Variants in GPATCH2 observed in about 807,000 individuals in gnomAD.
GPATCH2 encodes G-patch domain containing 2, also known as G patch domain-containing protein 2.
In GPATCH2, 51 loss-of-function variants were observed where a neutral mutation model predicts 58.0. The ratio of observed to expected loss-of-function variants is 0.88; its 90% CI spans 0.70 to 1.11. GPATCH2 has a LOEUF of 1.11. Ranked by LOEUF, GPATCH2 falls within the 50% of genes most tolerant of loss-of-function variation. The pLI is 0.00. For synonymous variants in GPATCH2, 222 were observed against 218.5 expected (o/e 1.02, Z -0.14); for missense variants, 625 against 652.2 (o/e 0.96, Z 0.45).
At chr1:217,609,560 T>C in intron 5 of GPATCH2, 1 of 984,918 alleles carries the variant, frequency 1.0e-6, no homozygotes, top group South Asian at 4.7e-5. Flanking sequence ...ACAAGCAGAT[T>C]ACCCAAGTAG....
chr1:217,610,826 G>C (rs1347949795), intron 4 of GPATCH2, 63 bp downstream of exon 4: 1 of 1,130,912 alleles, frequency 8.8e-7, no homozygotes, highest in African/African-American at 1.5e-5. Context: ...TATCCTCCTT[G>C]AATGAATATT....
chr1:217,451,670 G>C (rs1659671865), intron 8 of GPATCH2, among the ~76,000 whole-genome samples: 1 of 152,124 alleles, frequency 6.6e-6, no homozygotes, highest in Admixed American at 6.5e-5. Flanking sequence ...CTTAGCAAAA[G>C]ACTGGAGCAA....
intron 2 of GPATCH2, among the ~76,000 whole-genome samples, chr1:217,617,680 C>T (rs1257752951): frequency 3.3e-5 from 5 of 152,136 alleles, no homozygotes. Context: ...ATTTAGCAAT[C>T]TTTGCACAGA....
chr1:217,616,356 T>C (rs1668885635), intron 2 of GPATCH2, among the ~76,000 whole-genome samples: 1 of 152,172 alleles, frequency 6.6e-6, no homozygotes, highest in African/African-American at 2.4e-5. Context: ...TGGATGGGCC[T>C]CCATCTAAAT....
chr1:217,495,332 T>G (rs1195454079), intron 7 of GPATCH2, among the ~76,000 whole-genome samples: 2 of 152,168 alleles, frequency 1.3e-5, no homozygotes, highest in African/African-American at 4.8e-5. Flanking sequence ...CAATCCTCTC[T>G]TTACTACCTG....
At chr1:217,582,944 G>GT (rs1467171458) in intron 5 of GPATCH2, among the ~76,000 whole-genome samples, 2 of 152,110 alleles carry the variant, frequency 1.3e-5, no homozygotes, top group African/African-American at 4.8e-5. Context: ...GTAAGAATCC[G>GT]TATTACAGCT....
chr1:217,556,423 C>T (rs891342376), intron 5 of GPATCH2, among the ~76,000 whole-genome samples: 1 of 152,274 alleles, frequency 6.6e-6, no homozygotes, highest in Non-Finnish European at 1.5e-5. Flanking sequence ...AACATTGTTC[C>T]ATTTTGCCAA....
At chr1:217,547,972 T>C (rs938193112) in intron 5 of GPATCH2, among the ~76,000 whole-genome samples, 3 of 152,156 alleles carry the variant, frequency 2.0e-5, no homozygotes, top group African/African-American at 7.2e-5. Flanking sequence ...TGCTCCTCCA[T>C]GGTAAAACGT....
chr1:217,491,750 G>T lies in GPATCH2; in HGVS notation c.1207C>A (p.His403Asn). ...GCTCGATTATCTCTCAGAAGCTGAT[G>T]CTACACAAAGTGTTAAGACAAAGTC... ...SPGARTEHDQ[H>N]QLLRDNRAER... The change falls in exon 8 of 10, where the codon CAT becomes AAT. Residue 403 changes from histidine (H) to asparagine (N), a missense_variant and splice_region_variant. His to Asn is a moderately conservative substitution (Grantham distance 68, BLOSUM62 1). Coordinates refer to ENST00000366935, the MANE Select transcript of GPATCH2 (RefSeq NM_018040.5). 7.5e-7 allele frequency: 1 copy of T among 1,330,376 alleles called. No homozygotes were observed. The highest frequency in any genetic ancestry group is 1.1e-6 in the Non-Finnish European group (1 of 942,068). 82.4% of individuals were successfully genotyped at this position (1,330,376 alleles called of 1,614,324 possible).
In GPATCH2 at chr1:217,620,549, T is replaced by C. The variant is rs1669135378; in HGVS notation, c.57-50A>G. 3.9e-6 allele frequency: 4 copies of C among 1,028,596 alleles called. No homozygotes were observed. The Admixed American group carries it at 9.0e-5, about 23-fold the overall frequency. The allele number at this position is 1,028,596 out of a possible 1,614,324, so 63.7% of individuals were successfully genotyped here. A position where few individuals can be genotyped will look rare whatever the true frequency, so the allele number is the denominator to read the frequency against. Reference sequence around the variant, plus strand: ...AGAAAATAGTCAGTCTTAACCACAGTAACCTCATTTTCTATAACAGACAAT... The same window carrying C: ...AGAAAATAGTCAGTCTTAACCACAGCAACCTCATTTTCTATAACAGACAAT... On this transcript the variant is annotated intron_variant, in intron 1 of 9. Coordinates refer to ENST00000366935, the MANE Select transcript of GPATCH2 (RefSeq NM_018040.5).
At chr1:217,539,552 C>A (rs1664632380) in intron 5 of GPATCH2, among the ~76,000 whole-genome samples, 1 of 152,178 alleles carries the variant, frequency 6.6e-6, no homozygotes, top group African/African-American at 2.4e-5. Flanking sequence ...GCTGCACAAT[C>A]CCCTCAGTAG....
chr1:217,563,960 C>G (rs2102698335), intron 5 of GPATCH2, among the ~76,000 whole-genome samples: 1 of 141,500 alleles, frequency 7.1e-6, no homozygotes, highest in South Asian at 2.3e-4. Flanking sequence ...AGGACAATCA[C>G]TTGAACCCGG....
Position 217,619,897 on chromosome 1 carries a change from C to T in GPATCH2, c.659G>A (p.Gly220Glu), listed in dbSNP as rs17855847. The change falls in exon 2 of 10, where the codon GGA (glycine) becomes GAA (glutamate). Residue 220 changes from glycine to glutamate, a missense_variant. Coordinates refer to ENST00000366935, the MANE Select transcript of GPATCH2 (RefSeq NM_018040.5). ...TACTCCTTCATCTTGGATTTTTGGT[C>T]CTTGTCTGATTATTTTCAACTTTCT... ...KKRKLKIIRQ[G>E]PKIQDEGVVL... 7 of 1,613,564 alleles carry T rather than the reference C, an allele frequency of 4.3e-6. No individual in the cohort carries two copies. The East Asian group carries it at 1.6e-4, about 36-fold the overall frequency.
intron 5 of GPATCH2, among the ~76,000 whole-genome samples, chr1:217,531,860 C>G (rs904457469): frequency 2.0e-5 from 3 of 152,128 alleles, no homozygotes; most frequent in Non-Finnish European, 4.4e-5. Flanking sequence ...TATGTGCTTA[C>G]AAACCATTCT....
intron 5 of GPATCH2, among the ~76,000 whole-genome samples, chr1:217,563,349 CA>C (rs1332830404): frequency 1.3e-5 from 2 of 152,106 alleles, no homozygotes; most frequent in Admixed American, 6.5e-5. Context: ...AATAAAAAAT[CA>C]TACTATATAA....
chr1:217,462,279 A>G (rs914465591), intron 8 of GPATCH2, among the ~76,000 whole-genome samples: 1 of 152,204 alleles, frequency 6.6e-6, no homozygotes, highest in East Asian at 1.9e-4. Context: ...CTTTAGAAAA[A>G]CATACAAGTC....
chr1:217,559,873 G>GGAGAGA (rs59474147), intron 5 of GPATCH2, among the ~76,000 whole-genome samples: 19 of 143,130 alleles, frequency 1.3e-4, no homozygotes, highest in South Asian at 9.0e-4. Context: ...AAATCCAGAG[G>GGAGAGA]GAGAGAGAGA....
At chr1:217,552,680 A>G (rs1558478651) in intron 5 of GPATCH2, among the ~76,000 whole-genome samples, 1 of 152,174 alleles carries the variant, frequency 6.6e-6, no homozygotes, top group Non-Finnish European at 1.5e-5. Flanking sequence ...TGTTCTTGTC[A>G]TATATTTTCA....
chr1:217,496,295 C>T (rs1295844010), intron 7 of GPATCH2, among the ~76,000 whole-genome samples: 1 of 152,216 alleles, frequency 6.6e-6, no homozygotes, highest in Non-Finnish European at 1.5e-5. Context: ...CAGTCATTTG[C>T]AGACATGTGT....
Sources: gnomAD v4.1 joint callset for allele counts (sites outside exome capture counted in the v4.1 genomes callset) on GRCh38, gnomAD v4.1.1 for gene constraint, MANE v1.5 for transcripts, NCBI Gene and HGNC (gene_info 2026-07-23, HGNC 2026-07-21) for gene names.